The following ECT2L variants were observed in gnomAD, a reference collection of about 807,000 sequenced individuals.
ECT2L encodes the protein epithelial cell transforming 2 like, also known as epithelial cell-transforming sequence 2 oncogene-like.
A neutral mutation model predicts 122.8 loss-of-function variants in ECT2L; 126 were observed. That is an observed-to-expected ratio of 1.03 (90% confidence interval 0.89 to 1.19). The LOEUF is 1.19. ECT2L is among the 50% of genes most tolerant of loss of function. The pLI, the probability that ECT2L is intolerant of heterozygous loss-of-function variation, is 0.00. For missense variants in ECT2L, 1,012 were observed against 1,064.1 expected, an observed-to-expected ratio of 0.95 and a Z score of 0.68; for synonymous variants, 385 against 381.8, an observed-to-expected ratio of 1.01 and a Z score of -0.10.
intron 8 of ECT2L, 129 bp from the exon 9 acceptor site, chr6:138,849,140 A>G (rs781398842): frequency 1.1e-6 from 1 of 931,594 alleles, no homozygotes; most frequent in Non-Finnish European, 1.5e-6. Context: ...GAGGAAGCTT[A>G]TCTTCTTCCA....
At chr6:138,831,500 C>T (rs1396372846) in intron 4 of ECT2L, among the ~76,000 whole-genome samples, 2 of 152,212 alleles carry the variant, frequency 1.3e-5, no homozygotes, top group Non-Finnish European at 2.9e-5. Context: ...TGCCTTTGCC[C>T]TTGACATTGC....
rs370377671 is a variant in ECT2L, at chr6:138,827,601, G to A, written c.180-10751G>A. Among the ~76,000 whole-genome samples the A allele has an allele frequency of 1.1e-4, 17 of 151,966 alleles. 1 individual carries two copies. Among genetic ancestry groups the A allele is most frequent in the African/African-American group, 1.7e-4 (7 of 41,496 alleles). On this transcript the variant is annotated intron_variant, in intron 4 of 21. Transcript: ENST00000541398. ...AGATGGAGTCTCACTCTGTTCCCCG[G>A]GCTGGAGTGCAGCCGCACAATCTTG...
intron 13 of ECT2L, among the ~76,000 whole-genome samples, 166 bp downstream of exon 13, chr6:138,868,372 G>C (rs540125026): frequency 2.3e-4 from 35 of 152,246 alleles, no homozygotes; most frequent in African/African-American, 7.9e-4. Context: ...CTGGGCCCAA[G>C]ATGTGTTAAG....
In ECT2L at chr6:138,882,895, T is replaced by C. The variant is rs373240241; in HGVS notation, c.2028+24T>C. 9 of 1,611,516 alleles carry C rather than the reference T, an allele frequency of 5.6e-6. No homozygotes were observed. The African/African-American group carries it at 1.2e-4, about 22-fold the overall frequency. ...AGGTAAATGAGTTTCAATTCCATCA[T>C]TCTATAAGACCTGAGCTAGAAAGGA... On this transcript the variant is annotated intron_variant, in intron 16 of 21. Transcript: ENST00000541398.
intron 10 of ECT2L, 124 bp from the exon 11 acceptor site, chr6:138,862,503 C>A (rs1220951975): frequency 3.5e-6 from 3 of 869,134 alleles, no homozygotes; most frequent in African/African-American, 1.6e-5. Context: ...TCCTGCCAGG[C>A]CCCACCTCCA....
intron 4 of ECT2L, among the ~76,000 whole-genome samples, chr6:138,834,942 TTC>T (rs1328762751): frequency 1.1e-5 from 1 of 90,016 alleles, no homozygotes; most frequent in East Asian, 4.1e-4. Flanking sequence ...CACACTCTCA[TTC>T]TCTCTCTCTG....
chr6:138,842,604 T>C (rs1364268726), intron 5 of ECT2L, among the ~76,000 whole-genome samples: 2 of 151,810 alleles, frequency 1.3e-5, no homozygotes, highest in East Asian at 3.9e-4. Context: ...ACCTCGTCTC[T>C]ACTAAAAAAA....
Position 138,820,355 on chromosome 6 carries a change from G to A in ECT2L, c.179+5752G>A, listed in dbSNP as rs1351372216. On this transcript the variant is annotated intron_variant, in intron 4 of 21. Transcript: ENST00000541398. ...TCTTTTCTTCCATCCTGCTAGCTGT[G>A]GTGACTGTTGTGTGAAGACCAATGC... 2.0e-5 allele frequency among the ~76,000 whole-genome samples: 3 copies of A among 152,182 alleles called. No individual in the cohort carries two copies. The East Asian group carries it at 5.8e-4, about 29-fold the overall frequency.
chr6:138,868,016 A>AAAAT, intron 12 of ECT2L, 87 bp from the exon 13 acceptor site: 4 of 701,724 alleles, frequency 5.7e-6, no homozygotes, highest in Non-Finnish European at 8.7e-6. Context: ...AAAAAAAAAA[A>AAAAT]AAAGAAACTG....
At chr6:138,815,384 G>C (rs575503381) in intron 4 of ECT2L, among the ~76,000 whole-genome samples, 1 of 152,198 alleles carries the variant, frequency 6.6e-6, no homozygotes, top group African/African-American at 2.4e-5. Flanking sequence ...TGGACTGACC[G>C]AAATATTCTA....
In ECT2L at chr6:138,823,190, A is replaced by G; in HGVS notation, c.179+8587A>G. 2.8e-6 allele frequency: 4 copies of G among 1,445,534 alleles called. 1 individual carries two copies. The highest frequency in any genetic ancestry group is 3.8e-6 in the Non-Finnish European group (4 of 1,063,130). 89.5% of individuals were successfully genotyped at this position (1,445,534 alleles called of 1,614,324 possible). ...CAGTAACTAATGTCCCCAGCCAATC[A>G]GGAGTGGGAAAACCATGCTGGATCA... is the stretch of plus-strand genomic sequence containing the variant. On this transcript the variant is annotated intron_variant, in intron 4 of 21. Transcript: ENST00000541398.
At chr6:138,835,501 G>C (rs770424459) in intron 4 of ECT2L, among the ~76,000 whole-genome samples, 7 of 151,062 alleles carry the variant, frequency 4.6e-5, no homozygotes, top group Admixed American at 2.6e-4. Flanking sequence ...GCAGTGAACT[G>C]AGATTGCGCC....
intron 10 of ECT2L, among the ~76,000 whole-genome samples, chr6:138,857,111 T>C (rs1380302026): frequency 6.6e-6 from 1 of 152,196 alleles, no homozygotes; most frequent in Non-Finnish European, 1.5e-5. Flanking sequence ...TCTAGCCCGT[T>C]GCCTTTCATC....
chr6:138,861,776 G>T (rs1158245502), intron 10 of ECT2L, among the ~76,000 whole-genome samples: 1 of 152,106 alleles, frequency 6.6e-6, no homozygotes, highest in South Asian at 2.1e-4. Flanking sequence ...ATTGCTTTTG[G>T]TGTTTTAGTC....
intron 19 of ECT2L, among the ~76,000 whole-genome samples, chr6:138,888,478 T>C (rs1476751888): frequency 7.6e-5 from 2 of 26,462 alleles, no homozygotes. Flanking sequence ...ACCTGGCTAA[T>C]TTTTTTTGTA....
At chr6:138,805,382 C>G (rs1775680989) in intron 1 of ECT2L, among the ~76,000 whole-genome samples, 1 of 152,210 alleles carries the variant, frequency 6.6e-6, no homozygotes, top group Non-Finnish European at 1.5e-5. Context: ...AGTACATATA[C>G]CAATTTGCAC....
intron 13 of ECT2L, among the ~76,000 whole-genome samples, chr6:138,871,775 A>G (rs1253983515): frequency 6.6e-6 from 1 of 152,006 alleles, no homozygotes; most frequent in African/African-American, 2.4e-5. Context: ...ATTGCACTCC[A>G]GCCTGGGCCA....
chr6:138,862,946 T>A (rs113425654), intron 11 of ECT2L, among the ~76,000 whole-genome samples: 4 of 152,242 alleles, frequency 2.6e-5, no homozygotes, highest in African/African-American at 9.6e-5. Flanking sequence ...AAATCATCAT[T>A]TTCAAAAACT....
rs117082088 is a variant in ECT2L, at chr6:138,883,853, T to C, written c.2028+982T>C. On this transcript the variant is annotated intron_variant, in intron 16 of 21. Transcript: ENST00000541398. ...CACAAGTAAGTACTTAGCTTAAATG[T>C]TAGTTATTTGGTTGTGGGGTTTGTT... Among the ~76,000 whole-genome samples the C allele has an allele frequency of 6.3e-3, 959 of 152,312 alleles. 19 individuals carry two copies. Among genetic ancestry groups the C allele is most frequent in the Admixed American group, 0.044 (672 of 15,290 alleles).
Sources: gnomAD v4.1 joint callset for allele counts (sites outside exome capture counted in the v4.1 genomes callset) on GRCh38, gnomAD v4.1.1 for gene constraint, MANE v1.5 for transcripts, NCBI Gene and HGNC (gene_info 2026-07-23, HGNC 2026-07-21) for gene names.